The following GPR39 variants were observed in gnomAD, a reference collection of about 807,000 sequenced individuals.
GPR39 encodes zinc sensing receptor.
Under a neutral mutation model 18.4 loss-of-function variants are expected in GPR39, and 23 were observed. The observed-to-expected ratio is 1.25, with a 90% CI of 0.90 to 1.77. GPR39 has a LOEUF of 1.77. GPR39 is among the 40% of genes most tolerant of loss of function. The pLI is 0.00. For missense variants in GPR39, 647 were observed against 602.4 expected (o/e 1.07, Z -0.78); for synonymous variants, 280 against 257.9 (o/e 1.09, Z -0.82).
At chr2:132,449,375 T>C (rs1364027936) in intron 1 of GPR39, among the ~76,000 whole-genome samples, 1 of 152,146 alleles carries the variant, frequency 6.6e-6, no homozygotes, top group African/African-American at 2.4e-5. Context: ...GCCTCCTGAA[T>C]AGCTGGGAGT....
At chr2:132,457,889 C>G (rs1210264053) in intron 1 of GPR39, among the ~76,000 whole-genome samples, 1 of 152,234 alleles carries the variant, frequency 6.6e-6, no homozygotes, top group Non-Finnish European at 1.5e-5. Flanking sequence ...CGATCTTGGA[C>G]TGCTGCGCTA....
intron 1 of GPR39, among the ~76,000 whole-genome samples, chr2:132,429,831 C>T (rs116063194): frequency 0.02 from 2,981 of 152,314 alleles, 42 homozygotes; most frequent in Non-Finnish European, 0.029. Context: ...GGAATGGGCT[C>T]TGCTGTTTGT....
At chr2:132,643,051 C>G (rs1573714965) in intron 1 of GPR39, among the ~76,000 whole-genome samples, 2 of 152,250 alleles carry the variant, frequency 1.3e-5, no homozygotes, top group African/African-American at 4.8e-5. Flanking sequence ...AACACCTGTA[C>G]TCCTCGAAGT....
chr2:132,486,152 T>C lies in GPR39; in HGVS notation c.856+68254T>C, dbSNP rs146093651. ...ATATTTTGAAAGGAATCTTGTTTTC[T>C]GAGCAGTAGTATCAACAGTGGGCTT... is the stretch of plus-strand genomic sequence containing the variant. On this transcript the variant is annotated intron_variant, in intron 1 of 1. Transcript: ENST00000329321. 2.6e-3 allele frequency among the ~76,000 whole-genome samples: 400 copies of C among 152,350 alleles called. 4 individuals carry two copies. Among genetic ancestry groups the C allele is most frequent in the African/African-American group, 8.8e-3 (367 of 41,580 alleles).
intron 1 of GPR39, among the ~76,000 whole-genome samples, chr2:132,532,070 T>C (rs1021893747): frequency 3.9e-5 from 6 of 152,088 alleles, no homozygotes; most frequent in African/African-American, 1.2e-4. Context: ...AGCTGGTTTT[T>C]TGAAAGATCA....
intron 1 of GPR39, among the ~76,000 whole-genome samples, chr2:132,467,333 C>T (rs938420807): frequency 6.6e-6 from 1 of 152,136 alleles, no homozygotes; most frequent in Admixed American, 6.5e-5. Context: ...ACTGCATGTT[C>T]TCGCTTATAA....
At chr2:132,622,013 C>T (rs1015917783) in intron 1 of GPR39, among the ~76,000 whole-genome samples, 1 of 152,182 alleles carries the variant, frequency 6.6e-6, no homozygotes, top group East Asian at 1.9e-4. Flanking sequence ...TGCTCATGCT[C>T]TCCTGCCCCA....
chr2:132,532,483 T>A (rs1206029300), intron 1 of GPR39, among the ~76,000 whole-genome samples: 1 of 152,168 alleles, frequency 6.6e-6, no homozygotes, highest in Non-Finnish European at 1.5e-5. Context: ...GAATCCTCCC[T>A]AACTCATTTT....
chr2:132,434,401 T>A (rs748618983), intron 1 of GPR39, among the ~76,000 whole-genome samples: 3 of 152,220 alleles, frequency 2.0e-5, no homozygotes, highest in Non-Finnish European at 2.9e-5. Context: ...ATTGGTTATG[T>A]TGATGCTTTG....
intron 1 of GPR39, among the ~76,000 whole-genome samples, chr2:132,511,503 C>A (rs1013283500): frequency 1.3e-5 from 2 of 152,056 alleles, no homozygotes; most frequent in African/African-American, 4.8e-5. Flanking sequence ...TTTTAAAATT[C>A]CAAAGGCAGT....
At chr2:132,567,378 T>C (rs2104809993) in intron 1 of GPR39, among the ~76,000 whole-genome samples, 1 of 152,294 alleles carries the variant, frequency 6.6e-6, no homozygotes, top group Non-Finnish European at 1.5e-5. Context: ...TCCCCTTGGA[T>C]GGATTAATCC....
chr2:132,620,082 A>T (rs1368319971), intron 1 of GPR39, among the ~76,000 whole-genome samples: 3 of 152,136 alleles, frequency 2.0e-5, no homozygotes, highest in Non-Finnish European at 4.4e-5. Context: ...CCAAGTCCCC[A>T]TGCCTCAGTC....
Position 132,645,988 on chromosome 2 carries a change from G to T in GPR39, c.*382G>T. 7.5e-7 allele frequency: 1 copy of T among 1,331,682 alleles called. No homozygotes were observed. Among genetic ancestry groups the T allele is most frequent in the Non-Finnish European group, 1.0e-6 (1 of 978,762 alleles). 82.5% of individuals were successfully genotyped at this position (1,331,682 alleles called of 1,614,324 possible). Reference sequence around the variant, plus strand: ...GAAGAAACTCACTCAGGGAGGTGGGGGGTTGGGGGCGAGGGCTGGAAGAAC... The same window carrying T: ...GAAGAAACTCACTCAGGGAGGTGGGTGGTTGGGGGCGAGGGCTGGAAGAAC... On this transcript the variant is annotated 3_prime_UTR_variant, in exon 2 of 2. Coordinates refer to ENST00000329321, the MANE Select transcript of GPR39 (RefSeq NM_001508.3).
chr2:132,511,851 A>C (rs1450572627), intron 1 of GPR39, among the ~76,000 whole-genome samples: 1 of 152,214 alleles, frequency 6.6e-6, no homozygotes, highest in Non-Finnish European at 1.5e-5. Context: ...ACTGAGAGCC[A>C]AAGTCCAAGC....
intron 1 of GPR39, among the ~76,000 whole-genome samples, chr2:132,643,405 G>T (rs1681900532): frequency 6.6e-6 from 1 of 152,188 alleles, no homozygotes; most frequent in Admixed American, 6.5e-5. Context: ...ATTTGTGGAG[G>T]ATTTGAACAC....
intron 1 of GPR39, among the ~76,000 whole-genome samples, chr2:132,576,687 C>T (rs1680532512): frequency 6.6e-6 from 1 of 152,046 alleles, no homozygotes; most frequent in Non-Finnish European, 1.5e-5. Flanking sequence ...CTAAGCCTAG[C>T]CCTCAGTCCT....
chr2:132,524,301 C>T (rs1416360804), intron 1 of GPR39, among the ~76,000 whole-genome samples: 1 of 152,208 alleles, frequency 6.6e-6, no homozygotes, highest in Non-Finnish European at 1.5e-5. Flanking sequence ...GGAGGCTTTA[C>T]CTGGACATGT....
At chr2:132,640,854 C>T (rs963319646) in intron 1 of GPR39, among the ~76,000 whole-genome samples, 4 of 152,118 alleles carry the variant, frequency 2.6e-5, no homozygotes, top group Admixed American at 2.6e-4. Context: ...GAACAACAAA[C>T]TTTTTTTAAT....
chr2:132,461,943 C>T (rs915537557), intron 1 of GPR39, among the ~76,000 whole-genome samples: 7 of 152,174 alleles, frequency 4.6e-5, no homozygotes, highest in African/African-American at 1.7e-4. Context: ...TTCATTCTGG[C>T]TCTTCTTCCA....
Sources: gnomAD v4.1 joint callset for allele counts (sites outside exome capture counted in the v4.1 genomes callset) on GRCh38, gnomAD v4.1.1 for gene constraint, MANE v1.5 for transcripts, NCBI Gene and HGNC (gene_info 2026-07-23, HGNC 2026-07-21) for gene names.